Variants in SCOC observed in about 807,000 individuals in gnomAD.
SCOC encodes the protein short coiled coil protein.
In SCOC, 7 loss-of-function variants were observed where a neutral mutation model predicts 9.9. The observed-to-expected ratio is 0.71, with a 90% confidence interval of 0.40 to 1.33. SCOC has a LOEUF of 1.33. Ranked by LOEUF, SCOC falls within the 40% of genes most tolerant of loss-of-function variation. The pLI is 0.01. For missense variants in SCOC, 66 were observed against 89.7 expected (o/e 0.74, Z 1.07); for synonymous variants, 19 against 28.2 (o/e 0.67, Z 1.03).
intron 1 of SCOC, chr4:140,284,715 A>G (rs1260259613): frequency 6.6e-6 from 1 of 151,480 alleles, no homozygotes; most frequent in Non-Finnish European, 1.4e-5. Flanking sequence ...TTAGCCTGTT[A>G]CCAGGGAGAA....
rs375941692 is a variant in SCOC at position 140,320,506 on chromosome 4, C to T, written c.-18-23115C>T. On this transcript the variant is annotated intron_variant, in intron 1 of 4. Coordinates refer to the SCOC transcript ENST00000394205. ...AAGAACCCTTTCTCAGGGTGTGGAT[C>T]AGGACCAGTTTCCGGTAACACTAGC... Among the ~76,000 whole-genome samples, 65 of 152,206 alleles carry T rather than the reference C, an allele frequency of 4.3e-4. 3 individuals carry two copies. In the South Asian group the frequency reaches 0.011, roughly 25 times the overall value.
At chr4:140,257,912 G>A (rs1404821909) in intron 1 of SCOC, among the ~76,000 whole-genome samples, 1 of 152,224 alleles carries the variant, frequency 6.6e-6, no homozygotes. Context: ...CTTCATATCA[G>A]TCTCTGCCTC....
chr4:140,295,582 C>T (rs1398007510), intron 1 of SCOC, among the ~76,000 whole-genome samples: 2 of 152,142 alleles, frequency 1.3e-5, no homozygotes, highest in Admixed American at 6.5e-5. Flanking sequence ...GGCGTGGCCC[C>T]GCCTGCTGGC....
chr4:140,342,575 T>C (rs1726551279), upstream of SCOC, among the ~76,000 whole-genome samples: 1 of 151,932 alleles, frequency 6.6e-6, no homozygotes, highest in Non-Finnish European at 1.5e-5. Context: ...CTTGATATAG[T>C]AACAATGAAC....
chr4:140,351,339 CTT>C (rs1726969986), intron 2 of SCOC, among the ~76,000 whole-genome samples: 1 of 151,906 alleles, frequency 6.6e-6, no homozygotes, highest in African/African-American at 2.4e-5. Context: ...TGAAGGAACT[CTT>C]TATACAAGAG....
upstream of SCOC, among the ~76,000 whole-genome samples, chr4:140,373,102 C>A (rs1321727707): frequency 1.3e-5 from 2 of 152,164 alleles, no homozygotes; most frequent in African/African-American, 4.8e-5. Flanking sequence ...GAGGAACATT[C>A]CACTAGCTCA....
rs748934222 is a variant in SCOC, at chr4:140,383,558, G to C, written c.*2454G>C. 7 of 152,206 alleles carry C rather than the reference G, an allele frequency of 4.6e-5. No individual in the cohort carries two copies. Among genetic ancestry groups the C allele is most frequent in the Admixed American group, 2.6e-4 (4 of 15,280 alleles). The allele number at this position is 152,206 out of a possible 1,614,324, so 9.4% of individuals were successfully genotyped here. A position where few individuals can be genotyped will look rare whatever the true frequency, so the allele number is the denominator to read the frequency against. On this transcript the variant is annotated 3_prime_UTR_variant, in exon 4 of 4. Coordinates refer to ENST00000608372, the MANE Select transcript of SCOC (RefSeq NM_001153484.2). ...AGTTCCTTGATTCAACTATGATTCTGATCTCTGGCAGGGGACTCCCTTGTT... is the reference window on the plus strand; with the variant it reads ...AGTTCCTTGATTCAACTATGATTCTCATCTCTGGCAGGGGACTCCCTTGTT...
intron 1 of SCOC, among the ~76,000 whole-genome samples, chr4:140,336,677 T>C (rs1732967213): frequency 6.6e-6 from 1 of 152,222 alleles, no homozygotes; most frequent in Non-Finnish European, 1.5e-5. Context: ...TAAATAATGC[T>C]GCTATAAATC....
rs1442073946 is a variant in SCOC, at chr4:140,281,895, T to C, written c.-19+24485T>C. ...AGTTATCCCTGTTTGTGGGGGAAAATGCATTTTCCTGTTTTGAGGGCTCTC... is the reference window on the plus strand; with the variant it reads ...AGTTATCCCTGTTTGTGGGGGAAAACGCATTTTCCTGTTTTGAGGGCTCTC... On this transcript the variant is annotated intron_variant, in intron 1 of 4. Transcript: ENST00000394205. Among the ~76,000 whole-genome samples, 5 of 152,160 alleles carry C rather than the reference T, an allele frequency of 3.3e-5. 1 individual carries two copies. In the East Asian group the frequency reaches 9.6e-4, roughly 29 times the overall value.
intron 1 of SCOC, among the ~76,000 whole-genome samples, chr4:140,331,774 A>G (rs1351133279): frequency 6.6e-6 from 1 of 151,878 alleles, no homozygotes; most frequent in African/African-American, 2.4e-5. Context: ...TAAACTCCAG[A>G]CTCATCTTCA....
intron 2 of SCOC, among the ~76,000 whole-genome samples, chr4:140,364,182 A>G (rs1349453794): frequency 6.6e-6 from 1 of 152,082 alleles, no homozygotes; most frequent in African/African-American, 2.4e-5. Context: ...GATTGCTATA[A>G]GAAAGGCATA....
chr4:140,373,463 C>G, upstream of SCOC: 1 of 1,547,574 alleles, frequency 6.5e-7, no homozygotes, highest in Non-Finnish European at 8.7e-7. Context: ...GATTGGATGT[C>G]AGTGTCCTTT....
rs1430914687 is a variant in SCOC at position 140,383,616 on chromosome 4, T to TA, written c.*2513dup. ...CTCCATGGTTTCCCCTCTGGAAAGTTACTCCTTATCCATTTTCTTCCATGG... is the reference window on the plus strand; with the variant it reads ...CTCCATGGTTTCCCCTCTGGAAAGTTAACTCCTTATCCATTTTCTTCCATGG... On this transcript the variant is annotated 3_prime_UTR_variant, in exon 4 of 4. Coordinates refer to ENST00000608372, the MANE Select transcript of SCOC (RefSeq NM_001153484.2). 2 of 152,174 alleles carry TA rather than the reference T, an allele frequency of 1.3e-5. No homozygotes were observed. Among genetic ancestry groups the TA allele is most frequent in the Non-Finnish European group, 2.9e-5 (2 of 68,036 alleles). 9.4% of individuals were successfully genotyped at this position (152,174 alleles called of 1,614,324 possible). A position where few individuals can be genotyped will look rare whatever the true frequency, so the allele number is the denominator to read the frequency against.
intron 1 of SCOC, among the ~76,000 whole-genome samples, chr4:140,288,800 C>T (rs1731379958): frequency 6.6e-6 from 1 of 152,158 alleles, no homozygotes; most frequent in Non-Finnish European, 1.5e-5. Context: ...CATGTTCACA[C>T]AGTACACGTA....
chr4:140,379,033 C>T (rs978670947), intron 1 of SCOC, 88 bp from the exon 2 acceptor site: 2 of 810,942 alleles, frequency 2.5e-6, no homozygotes, highest in Non-Finnish European at 4.3e-6. Context: ...CCTACTATGT[C>T]ATAGTTAACA....
intron 1 of SCOC, 77 bp downstream of exon 1, chr4:140,373,794 G>A (rs1214526489): frequency 2.8e-6 from 4 of 1,442,494 alleles, no homozygotes; most frequent in Non-Finnish European, 3.7e-6. Context: ...CGAGGGCCTG[G>A]AGGGCGGGGC....
chr4:140,353,174 T>C (rs1727050802), intron 2 of SCOC, among the ~76,000 whole-genome samples: 1 of 152,052 alleles, frequency 6.6e-6, no homozygotes, highest in South Asian at 2.1e-4. Context: ...ATAGTCTGGG[T>C]ACAGAGAGAA....
chr4:140,349,236 C>A (rs552371003), intron 2 of SCOC, among the ~76,000 whole-genome samples: 2 of 152,096 alleles, frequency 1.3e-5, no homozygotes, highest in Non-Finnish European at 2.9e-5. Flanking sequence ...AGCATGTGCC[C>A]GGCTCAAAAG....
intron 2 of SCOC, among the ~76,000 whole-genome samples, chr4:140,365,213 T>G (rs1727739401): frequency 6.7e-6 from 1 of 149,084 alleles, no homozygotes; most frequent in Non-Finnish European, 1.5e-5. Flanking sequence ...TTTCAAGATC[T>G]GGATCTTGGA....
Sources: allele counts gnomAD v4.1 joint callset (sites outside exome capture counted in the v4.1 genomes callset), GRCh38; gene constraint gnomAD v4.1.1; transcripts MANE v1.5; gene names NCBI Gene and HGNC (gene_info 2026-07-23, HGNC 2026-07-21).